The following DPP10 variants were observed in gnomAD, a reference collection of about 807,000 sequenced individuals.
The protein encoded by DPP10 is inactive dipeptidyl peptidase 10.
Under a neutral mutation model 120.9 loss-of-function variants are expected in DPP10, and 33 were observed. The ratio of observed to expected loss-of-function variants is 0.27; its 90% CI spans 0.21 to 0.37. DPP10 has a LOEUF of 0.37. DPP10 is among the 10% of genes least tolerant of loss of function. DPP10 has a pLI of 1.00. For synonymous variants in DPP10, 337 were observed against 326.1 expected (o/e 1.03, Z -0.36); for missense variants, 816 against 942.8 (o/e 0.87, Z 1.76).
At chr2:115,240,264 G>C (rs1369539784) in intron 1 of DPP10, among the ~76,000 whole-genome samples, 2 of 152,168 alleles carry the variant, frequency 1.3e-5, no homozygotes, top group Non-Finnish European at 2.9e-5. Context: ...TCCAGCATCT[G>C]TTATTTCCTG....
At chr2:114,532,296 T>TACACAC (rs56653562) in intron 1 of DPP10, among the ~76,000 whole-genome samples, 1,068 of 74,162 alleles carry the variant, frequency 0.014, 29 homozygotes, top group Non-Finnish European at 0.019. Context: ...TATATATATA[T>TACACAC]ACACACACAC....
intron 1 of DPP10, among the ~76,000 whole-genome samples, chr2:114,445,388 C>G (rs748141665): frequency 6.6e-6 from 1 of 152,080 alleles, no homozygotes; most frequent in African/African-American, 2.4e-5. Context: ...AGAACTTTTC[C>G]CCCATCAGTA....
chr2:115,174,399 T>C (rs896467370), intron 1 of DPP10, among the ~76,000 whole-genome samples: 1 of 152,172 alleles, frequency 6.6e-6, no homozygotes, highest in African/African-American at 2.4e-5. Flanking sequence ...GGAAGAGAGA[T>C]TTATATAGTC....
At chr2:115,779,008 G>A (rs550081631) in intron 15 of DPP10, among the ~76,000 whole-genome samples, 3 of 151,814 alleles carry the variant, frequency 2.0e-5, no homozygotes, top group South Asian at 2.1e-4. Flanking sequence ...GATTGATATC[G>A]GTAGCCATAA....
intron 1 of DPP10, among the ~76,000 whole-genome samples, chr2:114,877,259 A>T (rs887315941): frequency 6.6e-6 from 1 of 152,122 alleles, no homozygotes; most frequent in African/African-American, 2.4e-5. Flanking sequence ...AGAAAAAGGA[A>T]AAGGAAACAA....
intron 1 of DPP10, among the ~76,000 whole-genome samples, chr2:114,588,065 C>T (rs925417455): frequency 6.6e-6 from 1 of 152,194 alleles, no homozygotes. Context: ...AAATAATATA[C>T]TGCTGACTTT....
intron 1 of DPP10, among the ~76,000 whole-genome samples, chr2:114,700,068 C>T (rs1220703882): frequency 6.6e-6 from 1 of 152,074 alleles, no homozygotes; most frequent in Non-Finnish European, 1.5e-5. Context: ...TGTCTTTGTC[C>T]TGCTCCTGCC....
At chr2:115,203,074 C>T (rs903531820) in intron 1 of DPP10, among the ~76,000 whole-genome samples, 1 of 152,168 alleles carries the variant, frequency 6.6e-6, no homozygotes, top group African/African-American at 2.4e-5. Flanking sequence ...ACAGTCAGCT[C>T]TCTATGGTAA....
chr2:115,132,742 A>G (rs1287139427), intron 1 of DPP10, among the ~76,000 whole-genome samples: 3 of 152,084 alleles, frequency 2.0e-5, no homozygotes, highest in African/African-American at 7.2e-5. Context: ...GAAGTTTGTC[A>G]GTTCAGCCAG....
intron 5 of DPP10, among the ~76,000 whole-genome samples, chr2:115,665,754 T>G (rs2089402874): frequency 6.6e-6 from 1 of 152,218 alleles, no homozygotes; most frequent in Non-Finnish European, 1.5e-5. Context: ...TGTATTTTAA[T>G]TTGAGTAATT....
intron 3 of DPP10, among the ~76,000 whole-genome samples, chr2:115,495,024 C>T (rs1315629541): frequency 2.0e-5 from 3 of 152,034 alleles, no homozygotes; most frequent in South Asian, 2.1e-4. Flanking sequence ...TGAATTTTGT[C>T]GGATTTCAAC....
chr2:115,365,497 A>G (rs1350027771), intron 3 of DPP10, among the ~76,000 whole-genome samples: 1 of 152,026 alleles, frequency 6.6e-6, no homozygotes, highest in Non-Finnish European at 1.5e-5. Flanking sequence ...CCATCTCTTC[A>G]TAAGCACTCT....
chr2:115,794,676 A>G (rs1198501713), intron 19 of DPP10, among the ~76,000 whole-genome samples: 1 of 151,908 alleles, frequency 6.6e-6, no homozygotes, highest in Non-Finnish European at 1.5e-5. Context: ...CTTTTTCTGA[A>G]CAACTCCTCC....
intron 1 of DPP10, among the ~76,000 whole-genome samples, chr2:114,989,129 G>GT (rs1394302851): frequency 6.6e-6 from 1 of 152,142 alleles, no homozygotes; most frequent in Non-Finnish European, 1.5e-5. Context: ...GGACTGAGGG[G>GT]TGAGGTCAGG....
intron 1 of DPP10, among the ~76,000 whole-genome samples, chr2:114,827,107 C>T (rs886346522): frequency 2.4e-4 from 36 of 151,824 alleles, no homozygotes; most frequent in African/African-American, 8.5e-4. Context: ...TTCCTGTGAC[C>T]TGCTTGGGGG....
intron 1 of DPP10, among the ~76,000 whole-genome samples, chr2:114,532,256 C>CATATATATATATATATATAT (rs66716319): frequency 2.3e-4 from 20 of 86,272 alleles, no homozygotes; most frequent in African/African-American, 3.7e-4. Context: ...AATAAATCTC[C>CATATATATATATATATATAT]ATATATATAT....
In DPP10 at chr2:114,906,397, A is replaced by G. The variant is rs1360862711; in HGVS notation, c.61-402842A>G. On this transcript the variant is annotated intron_variant, in intron 1 of 25. Coordinates refer to ENST00000410059, the MANE Select transcript of DPP10 (RefSeq NM_020868.6). Reference sequence around the variant, plus strand: ...AGTTCTATCTCAAAAAAAAAAAAAAAGAAAAATTAGTGAACCTGGACATAC... The same window carrying G: ...AGTTCTATCTCAAAAAAAAAAAAAAGGAAAAATTAGTGAACCTGGACATAC... Among the ~76,000 whole-genome samples, 3 of 151,734 alleles carry G rather than the reference A, an allele frequency of 2.0e-5. No homozygotes were observed. In the East Asian group the frequency reaches 5.8e-4, roughly 29 times the overall value.
intron 1 of DPP10, among the ~76,000 whole-genome samples, chr2:115,107,649 G>T (rs1029671470): frequency 6.6e-6 from 1 of 151,780 alleles, no homozygotes; most frequent in African/African-American, 2.4e-5. Flanking sequence ...TTTACATCAC[G>T]AGTATCTTAT....
chr2:114,983,561 C>T lies in DPP10; in HGVS notation c.61-325678C>T, dbSNP rs926296757. Reference sequence around the variant, plus strand: ...CATTAAGCTATTATAATATAAATTGCATTCCCCTAAGGTCATTTTAGCCTT... The same window carrying T: ...CATTAAGCTATTATAATATAAATTGTATTCCCCTAAGGTCATTTTAGCCTT... On this transcript the variant is annotated intron_variant, in intron 1 of 25. Coordinates refer to ENST00000410059, the MANE Select transcript of DPP10 (RefSeq NM_020868.6). Among the ~76,000 whole-genome samples the T allele has an allele frequency of 7.2e-5, 11 of 152,176 alleles. No homozygotes were observed. The South Asian group carries it at 1.5e-3, about 20-fold the overall frequency.
Sources: allele counts gnomAD v4.1 joint callset (sites outside exome capture counted in the v4.1 genomes callset), GRCh38; gene constraint gnomAD v4.1.1; transcripts MANE v1.5; gene names NCBI Gene and HGNC (gene_info 2026-07-23, HGNC 2026-07-21).